SPATA17: variants seen among roughly 807,000 people sequenced by gnomAD.
The protein encoded by SPATA17 is spermatogenesis-associated protein 17.
Under a neutral mutation model 62.2 loss-of-function variants are expected in SPATA17, and 53 were observed. The observed-to-expected ratio is 0.85, with a 90% CI of 0.68 to 1.07. The LOEUF (loss-of-function observed/expected upper bound fraction) is 1.07. Among genes scored for constraint, SPATA17 ranks in the 50% least tolerant of loss-of-function variants. The pLI is 0.00. For missense variants in SPATA17, 466 were observed against 425.5 expected (o/e 1.10, Z -0.84); for synonymous variants, 146 against 146.8 (o/e 0.99, Z 0.04).
At chr1:217,728,706 A>G (rs1008384202) in intron 5 of SPATA17, among the ~76,000 whole-genome samples, 3 of 152,202 alleles carry the variant, frequency 2.0e-5, no homozygotes, top group Non-Finnish European at 4.4e-5. Flanking sequence ...AGGTTCATTC[A>G]ATAAATAGGT....
At chr1:217,634,575 A>C (rs998264734) in intron 1 of SPATA17, among the ~76,000 whole-genome samples, 1 of 152,178 alleles carries the variant, frequency 6.6e-6, no homozygotes, top group African/African-American at 2.4e-5. Flanking sequence ...GGAGCCATTT[A>C]GGGAGGGTCA....
In SPATA17 at chr1:217,667,037, CT is replaced by C. The variant is rs1228944825; in HGVS notation, c.241-1986del. 1.4e-4 allele frequency among the ~76,000 whole-genome samples: 19 copies of C among 138,052 alleles called. No homozygotes were observed. In the South Asian group the frequency reaches 2.3e-3, roughly 17 times the overall value. 90.6% of individuals were successfully genotyped at this position (138,052 alleles called of 152,430 possible). ...GCCTTTTATACTTTTTGGAATTTTA[CT>C]TTTTTTTTTCTTTTTTTTTTTTTTT... On this transcript the variant is annotated intron_variant, in intron 3 of 10. Transcript: ENST00000366933.
intron 6 of SPATA17, among the ~76,000 whole-genome samples, chr1:217,742,785 G>C (rs1057342756): frequency 6.6e-6 from 1 of 152,002 alleles, no homozygotes; most frequent in African/African-American, 2.4e-5. Flanking sequence ...CAGGAAACTA[G>C]CAATTTCCGG....
In SPATA17 at chr1:217,871,404, G is replaced by A. The variant is rs1676126653; in HGVS notation, c.*4385G>A. ...TTTTTCAACCTCAGCTTTTAACTTT[G>A]CCCTGATTTTCTCTTCCATTTTATT... On this transcript the variant is annotated 3_prime_UTR_variant, in exon 11 of 11. Coordinates refer to ENST00000366933, the MANE Select transcript of SPATA17 (RefSeq NM_138796.4). 1 of 151,242 alleles carries A rather than the reference G, an allele frequency of 6.6e-6. No homozygotes were observed. The highest frequency in any genetic ancestry group is 1.5e-5 in the Non-Finnish European group (1 of 67,836). The allele number at this position is 151,242 out of a possible 1,614,324, so 9.4% of individuals were successfully genotyped here.
rs191202923 is a variant in SPATA17, at chr1:217,656,480, G to A, written c.240+5302G>A. ...AAATCAAAATATGAAGCTTTTCCTC[G>A]TTTAGATTGGTTCATGATGGTTTTT... On this transcript the variant is annotated intron_variant, in intron 3 of 10. Coordinates refer to ENST00000366933, the MANE Select transcript of SPATA17 (RefSeq NM_138796.4). 1.2e-3 allele frequency among the ~76,000 whole-genome samples: 178 copies of A among 151,796 alleles called. 2 individuals carry two copies. The highest frequency in any genetic ancestry group is 3.8e-3 in the African/African-American group (159 of 41,376).
intron 8 of SPATA17, among the ~76,000 whole-genome samples, chr1:217,800,355 T>G (rs1674278185): frequency 6.6e-6 from 1 of 151,346 alleles, no homozygotes; most frequent in Non-Finnish European, 1.5e-5. Flanking sequence ...CTGAAGGATA[T>G]AAGTCCAAGC....
chr1:217,732,164 C>T (rs1672417914), intron 5 of SPATA17, among the ~76,000 whole-genome samples: 1 of 151,954 alleles, frequency 6.6e-6, no homozygotes. Context: ...ATGGCATTCC[C>T]TGTGGCATTC....
At chr1:217,749,342 G>A (rs1273276814) in intron 6 of SPATA17, among the ~76,000 whole-genome samples, 1 of 152,084 alleles carries the variant, frequency 6.6e-6, no homozygotes, top group Non-Finnish European at 1.5e-5. Flanking sequence ...GTTGCCAATA[G>A]TACCCTTATC....
At chr1:217,774,766 A>G (rs922968571) in intron 7 of SPATA17, among the ~76,000 whole-genome samples, 7 of 152,178 alleles carry the variant, frequency 4.6e-5, no homozygotes, top group African/African-American at 1.4e-4. Flanking sequence ...ATCCCCTGAC[A>G]TGACTTGTTT....
intron 9 of SPATA17, among the ~76,000 whole-genome samples, chr1:217,857,590 C>G (rs1469486772): frequency 6.6e-6 from 1 of 152,136 alleles, no homozygotes; most frequent in Non-Finnish European, 1.5e-5. Context: ...TGCAAGTGTG[C>G]AGGTGGTTTT....
chr1:217,685,093 G>A (rs1671188171), intron 5 of SPATA17, among the ~76,000 whole-genome samples: 2 of 137,018 alleles, frequency 1.5e-5, no homozygotes, highest in African/African-American at 5.7e-5. Context: ...AGGAGGAAGA[G>A]CTAGTAGAGT....
chr1:217,677,877 T>A (rs568337569), intron 4 of SPATA17, among the ~76,000 whole-genome samples: 66 of 152,310 alleles, frequency 4.3e-4, no homozygotes, highest in East Asian at 7.7e-4. Flanking sequence ...TTTTCACATA[T>A]ACGTCCTATA....
chr1:217,679,616 T>G (rs970830215), intron 4 of SPATA17, among the ~76,000 whole-genome samples: 1 of 152,226 alleles, frequency 6.6e-6, no homozygotes, highest in Non-Finnish European at 1.5e-5. Context: ...ACTTATTACA[T>G]TCTTTAATAT....
chr1:217,807,593 A>C (rs1359170614), intron 9 of SPATA17, among the ~76,000 whole-genome samples: 1 of 152,144 alleles, frequency 6.6e-6, no homozygotes, highest in Non-Finnish European at 1.5e-5. Context: ...TTTGGCTTAG[A>C]GTAAAACTTT....
intron 8 of SPATA17, among the ~76,000 whole-genome samples, chr1:217,790,670 C>T (rs1673975973): frequency 6.6e-6 from 1 of 152,110 alleles, no homozygotes; most frequent in African/African-American, 2.4e-5. Context: ...CCTCGTGATC[C>T]GCCCGCCTCG....
chr1:217,725,773 T>G (rs1672245896), intron 5 of SPATA17, among the ~76,000 whole-genome samples: 1 of 152,170 alleles, frequency 6.6e-6, no homozygotes, highest in African/African-American at 2.4e-5. Context: ...CCAGATTATG[T>G]TTTTAAATAG....
At position 217,851,718 on chromosome 1, in the gene SPATA17, G is replaced by A. The variant is rs184572815; in HGVS notation, c.1006-11056G>A. Among the ~76,000 whole-genome samples, 1,077 of 152,182 alleles carry A rather than the reference G, an allele frequency of 7.1e-3. 13 individuals carry two copies. The highest frequency in any genetic ancestry group is 9.2e-3 in the Non-Finnish European group (624 of 67,990). ...TATCAAACACATTCTCACAGTAAAA[G>A]AGTAAACTAATAAGTAGAAAACACT... On this transcript the variant is annotated intron_variant, in intron 9 of 10. Transcript: ENST00000366933.
At chr1:217,774,774 T>A (rs1673548061) in intron 7 of SPATA17, among the ~76,000 whole-genome samples, 1 of 152,210 alleles carries the variant, frequency 6.6e-6, no homozygotes, top group Non-Finnish European at 1.5e-5. Flanking sequence ...ACATGACTTG[T>A]TTCACTTAGC....
chr1:217,775,775 AG>A (rs557870389), intron 7 of SPATA17, among the ~76,000 whole-genome samples: 51 of 152,208 alleles, frequency 3.4e-4, no homozygotes, highest in African/African-American at 1.1e-3. Context: ...TTTTGACCAG[AG>A]GAAAATTATT....
Sources: gnomAD v4.1 joint callset for allele counts (sites outside exome capture counted in the v4.1 genomes callset) on GRCh38, gnomAD v4.1.1 for gene constraint, MANE v1.5 for transcripts, NCBI Gene and HGNC (gene_info 2026-07-23, HGNC 2026-07-21) for gene names.